The following SPTSSB variants were observed in gnomAD, a reference collection of about 807,000 sequenced individuals.
The protein encoded by SPTSSB is androgen down regulated in mouse prostate.
In SPTSSB, 6 loss-of-function variants were observed where a neutral mutation model predicts 7.7. The ratio of observed to expected loss-of-function variants is 0.78; its 90% CI spans 0.43 to 1.54. SPTSSB has a LOEUF of 1.54. Among genes scored for constraint, SPTSSB ranks in the 40% most tolerant of loss-of-function variants. The pLI is 0.01. For synonymous variants in SPTSSB, 28 were observed against 29.7 expected, an observed-to-expected ratio of 0.94 and a Z score of 0.19; for missense variants, 91 against 93.0, an observed-to-expected ratio of 0.98 and a Z score of 0.09.
At chr3:161,365,754 T>C (rs1430490776) in intron 1 of SPTSSB, among the ~76,000 whole-genome samples, 2 of 152,202 alleles carry the variant, frequency 1.3e-5, no homozygotes, top group African/African-American at 2.4e-5. Flanking sequence ...CTGAAATAAA[T>C]GTATCCTTTT....
chr3:161,346,430 T>C (rs1714241238), intron 2 of SPTSSB, 75 bp from the exon 3 acceptor site: 1 of 686,230 alleles, frequency 1.5e-6, no homozygotes, highest in Non-Finnish European at 2.5e-6. Flanking sequence ...GATCTCAGCA[T>C]GTTAAAATCT....
At chr3:161,350,111 G>C (rs1714456934) in intron 2 of SPTSSB, among the ~76,000 whole-genome samples, 1 of 152,204 alleles carries the variant, frequency 6.6e-6, no homozygotes, top group Admixed American at 6.5e-5. Flanking sequence ...GAACACAGTT[G>C]AGGGGAGCTT....
chr3:161,346,034 T>A lies in SPTSSB; in HGVS notation c.*59A>T. ...AAGGAAGACACAATAGTTACCTAAA[T>A]CAATAAGCTGTAAGCAACATATAAA... On this transcript the variant is annotated 3_prime_UTR_variant, in exon 3 of 3. Transcript: ENST00000620149. 1 of 884,452 alleles carries A rather than the reference T, an allele frequency of 1.1e-6. No homozygotes were observed. Among genetic ancestry groups the A allele is most frequent in the African/African-American group, 1.6e-5 (1 of 60,832 alleles). 54.8% of individuals were successfully genotyped at this position (884,452 alleles called of 1,614,324 possible).
intron 1 of SPTSSB, among the ~76,000 whole-genome samples, chr3:161,369,334 TTCTTTCTTTCTTTCTTTC>T (rs1560109062): frequency 1.5e-4 from 16 of 105,732 alleles, no homozygotes; most frequent in East Asian, 4.0e-4. Flanking sequence ...CTTTCTTTCT[TTCTTTCTTTCTTTCTTTC>T]TCTTTCTTTC....
chr3:161,367,038 G>C (rs1435990665), intron 1 of SPTSSB, among the ~76,000 whole-genome samples: 6 of 152,114 alleles, frequency 3.9e-5, no homozygotes, highest in Non-Finnish European at 8.8e-5. Flanking sequence ...TTAGCTGGGC[G>C]TGGTGGCAGA....
chr3:161,354,027 T>A (rs1481777565), intron 2 of SPTSSB, among the ~76,000 whole-genome samples: 2 of 152,170 alleles, frequency 1.3e-5, no homozygotes, highest in Non-Finnish European at 2.9e-5. Flanking sequence ...AAGTTTATGA[T>A]GAATCAAAGG....
At chr3:161,358,535 G>A (rs1369747245) in intron 2 of SPTSSB, among the ~76,000 whole-genome samples, 2 of 152,154 alleles carry the variant, frequency 1.3e-5, no homozygotes, top group Admixed American at 6.5e-5. Context: ...CATAGGAAGA[G>A]CTAAGTGAAT....
At chr3:161,347,762 G>A (rs1055664215) in intron 2 of SPTSSB, among the ~76,000 whole-genome samples, 5 of 151,816 alleles carry the variant, frequency 3.3e-5, no homozygotes, top group Admixed American at 2.0e-4. Flanking sequence ...AATCCCAGCC[G>A]CTGGGGAGGC....
chr3:161,369,306 CTT>C (rs1553804911), intron 1 of SPTSSB, among the ~76,000 whole-genome samples: 4,169 of 55,258 alleles, frequency 0.075, 166 homozygotes, highest in East Asian at 0.27. Context: ...TTCTTTCTTT[CTT>C]TCTTTCTCTT....
chr3:161,345,912 G>A lies in SPTSSB; in HGVS notation c.*181C>T. On this transcript the variant is annotated 3_prime_UTR_variant, in exon 3 of 3. Transcript: ENST00000620149. Reference sequence around the variant, plus strand: ...CGGTCTAAAGCACAATGTAGCATGTGCAAAAGAAACTAAAGAGACATGTAT... The same window carrying A: ...CGGTCTAAAGCACAATGTAGCATGTACAAAAGAAACTAAAGAGACATGTAT... 1.9e-6 allele frequency: 1 copy of A among 537,588 alleles called. No individual in the cohort carries two copies. The highest frequency in any genetic ancestry group is 3.3e-6 in the Non-Finnish European group (1 of 299,028). The allele number at this position is 537,588 out of a possible 1,614,324, so 33.3% of individuals were successfully genotyped here.
intron 2 of SPTSSB, among the ~76,000 whole-genome samples, chr3:161,351,405 C>T (rs1560103436): frequency 6.6e-6 from 1 of 152,136 alleles, no homozygotes; most frequent in African/African-American, 2.4e-5. Context: ...CCAGAGTTAT[C>T]CCTATTCTAA....
intron 2 of SPTSSB, among the ~76,000 whole-genome samples, chr3:161,357,782 C>T (rs1436644794): frequency 6.7e-6 from 1 of 150,000 alleles, no homozygotes; most frequent in Non-Finnish European, 1.5e-5. Flanking sequence ...AGCCACAAGC[C>T]AAAAAAAAAT....
chr3:161,349,183 T>C (rs1429857378), intron 2 of SPTSSB, among the ~76,000 whole-genome samples: 1 of 152,160 alleles, frequency 6.6e-6, no homozygotes. Context: ...AGGCAGGAGA[T>C]GCTCTTCCAG....
In SPTSSB at chr3:161,346,003, A is replaced by G. The variant is rs542318684; in HGVS notation, c.*90T>C. Reference sequence around the variant, plus strand: ...GAGAAGAGAGTGCTTTTCAGGTCAGATAGTGAAGGAAGACACAATAGTTAC... The same window carrying G: ...GAGAAGAGAGTGCTTTTCAGGTCAGGTAGTGAAGGAAGACACAATAGTTAC... On this transcript the variant is annotated 3_prime_UTR_variant, in exon 3 of 3. Transcript: ENST00000620149. 33 of 699,808 alleles carry G rather than the reference A, an allele frequency of 4.7e-5. No homozygotes were observed. In the East Asian group the frequency reaches 8.3e-4, roughly 18 times the overall value. 43.3% of individuals were successfully genotyped at this position (699,808 alleles called of 1,614,324 possible).
intron 1 of SPTSSB, among the ~76,000 whole-genome samples, chr3:161,361,723 T>G (rs1715024421): frequency 6.6e-6 from 1 of 152,190 alleles, no homozygotes; most frequent in South Asian, 2.1e-4. Flanking sequence ...CCTTCTATTT[T>G]CTACATGCAT....
intron 1 of SPTSSB, among the ~76,000 whole-genome samples, chr3:161,371,103 A>G (rs1007542375): frequency 6.6e-6 from 1 of 152,218 alleles, no homozygotes; most frequent in African/African-American, 2.4e-5. Flanking sequence ...ATATTTAAGA[A>G]GGAAACCAAG....
chr3:161,369,740 G>A (rs1715426829), intron 1 of SPTSSB, among the ~76,000 whole-genome samples: 1 of 151,942 alleles, frequency 6.6e-6, no homozygotes, highest in South Asian at 2.1e-4. Flanking sequence ...TTCTCTCAGG[G>A]TATACTGTAG....
At chr3:161,354,009 C>A (rs1284911081) in intron 2 of SPTSSB, among the ~76,000 whole-genome samples, 2 of 152,042 alleles carry the variant, frequency 1.3e-5, no homozygotes, top group Admixed American at 1.3e-4. Context: ...CTGAAAAAAA[C>A]AACTTAAAAG....
chr3:161,359,541 G>A (rs1470932832), intron 2 of SPTSSB: 4 of 212,940 alleles, frequency 1.9e-5, no homozygotes, highest in Non-Finnish European at 3.2e-5. Context: ...TTGCAATGTA[G>A]GCAAATTTTG....
Sources: allele counts gnomAD v4.1 joint callset (sites outside exome capture counted in the v4.1 genomes callset), GRCh38; gene constraint gnomAD v4.1.1; transcripts MANE v1.5; gene names NCBI Gene and HGNC (gene_info 2026-07-23, HGNC 2026-07-21).